ABHD17B: variants seen among roughly 807,000 people sequenced by gnomAD.
The protein encoded by ABHD17B is abhydrolase domain containing 17B, depalmitoylase.
A neutral mutation model predicts 26.2 loss-of-function variants in ABHD17B; 9 were observed. That is an observed-to-expected ratio of 0.34 (90% CI 0.21 to 0.60). The LOEUF (loss-of-function observed/expected upper bound fraction) is 0.60, where lower values mean the gene tolerates loss of function less well. Among genes scored for constraint, ABHD17B ranks in the 20% least tolerant of loss-of-function variants. The pLI is 0.80. For synonymous variants in ABHD17B, 127 were observed against 122.3 expected (o/e 1.04, Z -0.25); for missense variants, 224 against 352.1 (o/e 0.64, Z 2.91).
chr9:71,899,834 C>T (rs1322718462), intron 1 of ABHD17B, among the ~76,000 whole-genome samples: 1 of 146,314 alleles, frequency 6.8e-6, no homozygotes, highest in Non-Finnish European at 1.5e-5. Flanking sequence ...CTAAATATGG[C>T]TCTCTTCCTG....
Position 71,885,869 on chromosome 9 carries a change from A to G in ABHD17B, c.-3-10786T>C, listed in dbSNP as rs532705237. 5.3e-5 allele frequency among the ~76,000 whole-genome samples: 8 copies of G among 152,310 alleles called. No homozygotes were observed. In the South Asian group the frequency reaches 1.5e-3, roughly 28 times the overall value. On this transcript the variant is annotated intron_variant, in intron 1 of 3. Transcript: ENST00000333421. ...GTTTCTTGGTAATGCAGACCAACTC[A>G]TATTACTACTAATTATTATAAGGTT...
chr9:71,870,312 T>C (rs550251968), intron 2 of ABHD17B, 50 bp from the exon 3 acceptor site: 9 of 1,468,254 alleles, frequency 6.1e-6, no homozygotes, highest in African/African-American at 4.2e-5. Context: ...TGGAGTGATA[T>C]GAAATGTTCC....
intron 1 of ABHD17B, among the ~76,000 whole-genome samples, chr9:71,877,774 C>T (rs1263997638): frequency 6.6e-6 from 1 of 152,152 alleles, no homozygotes; most frequent in African/African-American, 2.4e-5. Flanking sequence ...GCTGGTTGAA[C>T]ATATATAATG....
chr9:71,889,642 TA>T (rs982568925), intron 1 of ABHD17B, among the ~76,000 whole-genome samples: 4 of 152,150 alleles, frequency 2.6e-5, no homozygotes, highest in African/African-American at 9.7e-5. Flanking sequence ...AGTAATATAA[TA>T]CTGTTATCTA....
At chr9:71,907,630 G>A (rs565533021) in intron 1 of ABHD17B, among the ~76,000 whole-genome samples, 1 of 152,240 alleles carries the variant, frequency 6.6e-6, no homozygotes, top group African/African-American at 2.4e-5. Context: ...TCCTGCCTCA[G>A]CCTCCCGAGT....
intron 1 of ABHD17B, among the ~76,000 whole-genome samples, chr9:71,891,955 G>C (rs1826796207): frequency 6.6e-6 from 1 of 152,210 alleles, no homozygotes; most frequent in Non-Finnish European, 1.5e-5. Context: ...CGATAGCACA[G>C]TGTAGTCCAA....
chr9:71,876,275 G>A (rs898493752), intron 1 of ABHD17B, among the ~76,000 whole-genome samples: 8 of 152,158 alleles, frequency 5.3e-5, no homozygotes, highest in Admixed American at 1.3e-4. Context: ...CCAGCTGTAT[G>A]TCCTTGGGCA....
chr9:71,894,641 T>C lies in ABHD17B; in HGVS notation c.-4+15993A>G, dbSNP rs75836970. On this transcript the variant is annotated intron_variant, in intron 1 of 3. Coordinates refer to ENST00000333421, the MANE Select transcript of ABHD17B (RefSeq NM_001025780.3). ...ATGTATACAAAGGGCCCAGAAAGTCTTATTTCAAAAGGAACTAGACTTCTT... is the reference window on the plus strand; with the variant it reads ...ATGTATACAAAGGGCCCAGAAAGTCCTATTTCAAAAGGAACTAGACTTCTT... Among the ~76,000 whole-genome samples, 1,392 of 152,278 alleles carry C rather than the reference T, an allele frequency of 9.1e-3. 21 individuals carry two copies. Among genetic ancestry groups the C allele is most frequent in the African/African-American group, 0.031 (1,289 of 41,524 alleles).
intron 1 of ABHD17B, among the ~76,000 whole-genome samples, chr9:71,887,732 C>G (rs1000345783): frequency 2.0e-5 from 3 of 152,182 alleles, no homozygotes; most frequent in Admixed American, 2.0e-4. Flanking sequence ...CTAAAGAGCA[C>G]CTTCCTTCCT....
chr9:71,867,857 T>C (rs1255111956), intron 3 of ABHD17B, among the ~76,000 whole-genome samples: 1 of 152,052 alleles, frequency 6.6e-6, no homozygotes, highest in Non-Finnish European at 1.5e-5. Context: ...ATTTTCCCTA[T>C]GTGGCTCCCA....
chr9:71,891,713 T>C (rs924152362), intron 1 of ABHD17B, among the ~76,000 whole-genome samples: 7 of 152,172 alleles, frequency 4.6e-5, no homozygotes, highest in African/African-American at 1.7e-4. Flanking sequence ...GAGTAGTCAG[T>C]GTCAGTCTGT....
At chr9:71,899,976 C>A (rs1245667065) in intron 1 of ABHD17B, among the ~76,000 whole-genome samples, 10 of 151,998 alleles carry the variant, frequency 6.6e-5, no homozygotes, top group Non-Finnish European at 1.5e-4. Flanking sequence ...TAAAAACAAG[C>A]CAGAACAGTA....
chr9:71,895,581 T>G (rs772363102), intron 1 of ABHD17B, among the ~76,000 whole-genome samples: 2 of 152,192 alleles, frequency 1.3e-5, no homozygotes, highest in Non-Finnish European at 2.9e-5. Context: ...TTACCTTACT[T>G]TGTAAAGTCT....
At position 71,865,582 on chromosome 9, in the gene ABHD17B, TG is replaced by T. The variant is rs892840806; in HGVS notation, c.*1204del. On this transcript the variant is annotated 3_prime_UTR_variant, in exon 4 of 4. Transcript: ENST00000333421. ...GTCCTATTTTTAAAAATAGCTAAAG[TG>T]GGCCAGGCGCAGTGGCTCATGCCTG... 3.6e-5 allele frequency: 35 copies of T among 985,208 alleles called. No homozygotes were observed. The African/African-American group carries it at 5.6e-4, about 16-fold the overall frequency. 61.0% of individuals were successfully genotyped at this position (985,208 alleles called of 1,614,324 possible). A position where few individuals can be genotyped will look rare whatever the true frequency, so the allele number is the denominator to read the frequency against.
rs185114891 is a variant in ABHD17B, at chr9:71,900,521, G to T, written c.-4+10113C>A. ...AAAAATTAGCCAGGCGTGATGGCGTGTGCCTGTAATCCCAGGATTACTCGG... is the reference window on the plus strand; with the variant it reads ...AAAAATTAGCCAGGCGTGATGGCGTTTGCCTGTAATCCCAGGATTACTCGG... On this transcript the variant is annotated intron_variant, in intron 1 of 3. Transcript: ENST00000333421. 2.6e-5 allele frequency among the ~76,000 whole-genome samples: 4 copies of T among 152,086 alleles called. No homozygotes were observed. The East Asian group carries it at 5.8e-4, about 22-fold the overall frequency.
chr9:71,898,941 T>C (rs539028744), intron 1 of ABHD17B, among the ~76,000 whole-genome samples: 1 of 152,088 alleles, frequency 6.6e-6, no homozygotes, highest in East Asian at 1.9e-4. Flanking sequence ...CTGGCCAACA[T>C]GGTGAAACCA....
chr9:71,866,532 C>T lies in ABHD17B; in HGVS notation c.*255G>A. On this transcript the variant is annotated 3_prime_UTR_variant, in exon 4 of 4. Transcript: ENST00000333421. ...GATTTTATAGAATTAAAATCTCATACAGTACTCATCTTGATGTTAAAAAAA... is the reference window on the plus strand; with the variant it reads ...GATTTTATAGAATTAAAATCTCATATAGTACTCATCTTGATGTTAAAAAAA... The T allele has an allele frequency of 2.4e-6, 3 of 1,237,180 alleles. No homozygotes were observed. Among genetic ancestry groups the T allele is most frequent in the South Asian group, 2.5e-5 (1 of 39,976 alleles). 76.6% of individuals were successfully genotyped at this position (1,237,180 alleles called of 1,614,324 possible).
chr9:71,885,747 T>G (rs2132167139), intron 1 of ABHD17B, among the ~76,000 whole-genome samples: 1 of 152,308 alleles, frequency 6.6e-6, no homozygotes, highest in East Asian at 1.9e-4. Context: ...CTTCCTCTCT[T>G]CTAACGTAAG....
At chr9:71,881,423 G>T (rs1373634490) in intron 1 of ABHD17B, among the ~76,000 whole-genome samples, 1 of 152,022 alleles carries the variant, frequency 6.6e-6, no homozygotes, top group Non-Finnish European at 1.5e-5. Flanking sequence ...GTGACCTTGG[G>T]TTATAAAATG....
Sources: allele counts gnomAD v4.1 joint callset (sites outside exome capture counted in the v4.1 genomes callset), GRCh38; gene constraint gnomAD v4.1.1; transcripts MANE v1.5; gene names NCBI Gene and HGNC (gene_info 2026-07-23, HGNC 2026-07-21).